ADAMTSL3: variants seen among roughly 807,000 people sequenced by gnomAD.
ADAMTSL3 encodes the protein ADAMTS like 3.
In ADAMTSL3, 128 loss-of-function variants were observed where a neutral mutation model predicts 201.7. The observed-to-expected ratio is 0.63, with a 90% CI of 0.55 to 0.73. The LOEUF (loss-of-function observed/expected upper bound fraction) is 0.73. ADAMTSL3 is among the 30% of genes least tolerant of loss of function. The pLI, the probability that ADAMTSL3 is intolerant of heterozygous loss-of-function variation, is 0.00. For missense variants in ADAMTSL3, 1,990 were observed against 2,119.6 expected (o/e 0.94, Z 1.20); for synonymous variants, 738 against 748.4 (o/e 0.99, Z 0.23).
intron 17 of ADAMTSL3, among the ~76,000 whole-genome samples, chr15:83,937,625 A>G (rs544712474): frequency 4.6e-5 from 7 of 151,134 alleles, no homozygotes; most frequent in African/African-American, 1.7e-4. Flanking sequence ...CAATTTACCT[A>G]TATAACAAAT....
intron 23 of ADAMTSL3, among the ~76,000 whole-genome samples, chr15:84,012,927 C>T (rs1032397201): frequency 6.6e-6 from 1 of 152,162 alleles, no homozygotes; most frequent in African/African-American, 2.4e-5. Context: ...AGGGCTTTGC[C>T]CAAGGCTACA....
intron 2 of ADAMTSL3, among the ~76,000 whole-genome samples, chr15:83,659,062 T>C (rs1219459487): frequency 6.6e-6 from 1 of 152,230 alleles, no homozygotes; most frequent in Non-Finnish European, 1.5e-5. Flanking sequence ...CTCCACCGTG[T>C]TTGCCCCTCG....
Position 84,027,594 on chromosome 15 carries a change from C to T in ADAMTSL3, c.4656+2158C>T, listed in dbSNP as rs766683142. Among the ~76,000 whole-genome samples the T allele has an allele frequency of 1.3e-3, 204 of 152,082 alleles. 2 individuals carry two copies. Among genetic ancestry groups the T allele is most frequent in the Non-Finnish European group, 2.2e-3 (152 of 67,996 alleles). On this transcript the variant is annotated intron_variant, in intron 27 of 29. Coordinates refer to ENST00000286744, the MANE Select transcript of ADAMTSL3 (RefSeq NM_207517.3). ...GCGTGGTGGCGGGTGCCTGTAGTCC[C>T]GGCTACTTGGGAGGCTGAGGCAGGA... is the stretch of plus-strand genomic sequence containing the variant.
intron 4 of ADAMTSL3, among the ~76,000 whole-genome samples, chr15:83,800,795 G>C (rs1471602512): frequency 6.6e-6 from 1 of 152,112 alleles, no homozygotes; most frequent in African/African-American, 2.4e-5. Flanking sequence ...AAGCTTTTTG[G>C]TTATCACTTC....
chr15:83,910,462 G>T (rs190506997), intron 15 of ADAMTSL3, among the ~76,000 whole-genome samples: 2 of 142,306 alleles, frequency 1.4e-5, no homozygotes, highest in African/African-American at 2.6e-5. Context: ...GTTGCCGTGG[G>T]TTTTTTTTTT....
At chr15:83,840,557 T>C (rs2064353027) in intron 7 of ADAMTSL3, among the ~76,000 whole-genome samples, 1 of 152,164 alleles carries the variant, frequency 6.6e-6, no homozygotes. Context: ...TTTATTTGAC[T>C]CTTCATTAGG....
At chr15:83,826,820 T>C (rs1020481755) in intron 6 of ADAMTSL3, among the ~76,000 whole-genome samples, 7 of 152,036 alleles carry the variant, frequency 4.6e-5, no homozygotes, top group Non-Finnish European at 8.8e-5. Flanking sequence ...TTCATCCATG[T>C]CCCTACAAAG....
chr15:84,032,088 G>A (rs564315972), intron 28 of ADAMTSL3, among the ~76,000 whole-genome samples: 1 of 152,224 alleles, frequency 6.6e-6, no homozygotes, highest in East Asian at 1.9e-4. Flanking sequence ...ACTAATCGGG[G>A]GCTTGGGAGT....
intron 4 of ADAMTSL3, among the ~76,000 whole-genome samples, chr15:83,774,719 C>CAGAT (rs2063042434): frequency 6.6e-6 from 1 of 152,170 alleles, no homozygotes; most frequent in South Asian, 2.1e-4. Context: ...CCTTGGTGAG[C>CAGAT]AGATATAGGC....
intron 7 of ADAMTSL3, among the ~76,000 whole-genome samples, chr15:83,843,318 G>A (rs1323503820): frequency 6.6e-6 from 1 of 152,090 alleles, no homozygotes; most frequent in African/African-American, 2.4e-5. Flanking sequence ...CAGGGCATGA[G>A]TGACATGGTA....
At chr15:83,891,635 C>G (rs146624508) in intron 12 of ADAMTSL3, among the ~76,000 whole-genome samples, 7 of 152,138 alleles carry the variant, frequency 4.6e-5, no homozygotes, top group Non-Finnish European at 1.0e-4. Context: ...AGCAGGAGCT[C>G]AAGTGTTGCA....
intron 9 of ADAMTSL3, among the ~76,000 whole-genome samples, chr15:83,876,638 T>TG: frequency 6.6e-6 from 1 of 152,284 alleles, no homozygotes; most frequent in African/African-American, 2.4e-5. Context: ...TTGTTTTGTT[T>TG]TGTTTTGTTT....
chr15:83,812,581 G>C (rs183822698), intron 5 of ADAMTSL3, among the ~76,000 whole-genome samples: 1 of 152,300 alleles, frequency 6.6e-6, no homozygotes, highest in African/African-American at 2.4e-5. Flanking sequence ...GTCTCTATCA[G>C]AGTAGTCTGC....
intron 20 of ADAMTSL3, among the ~76,000 whole-genome samples, chr15:83,977,404 C>T (rs2067306254): frequency 6.6e-6 from 1 of 152,116 alleles, no homozygotes; most frequent in Non-Finnish European, 1.5e-5. Flanking sequence ...ATAATTAGGT[C>T]TGAAGTTCCA....
At chr15:83,862,921 GA>G (rs2064896804) in intron 8 of ADAMTSL3, 1 of 152,150 alleles carries the variant, frequency 6.6e-6, no homozygotes, top group African/African-American at 2.4e-5. Flanking sequence ...AGGGATGGAG[GA>G]AGACCTACCA....
At chr15:83,775,208 G>A (rs1175841078) in intron 4 of ADAMTSL3, among the ~76,000 whole-genome samples, 1 of 152,148 alleles carries the variant, frequency 6.6e-6, no homozygotes, top group Non-Finnish European at 1.5e-5. Flanking sequence ...TGGGGGAGAA[G>A]TTTCCAGCCT....
chr15:83,724,932 A>AT (rs547431217), intron 3 of ADAMTSL3, among the ~76,000 whole-genome samples: 8 of 148,842 alleles, frequency 5.4e-5, no homozygotes, highest in African/African-American at 7.4e-5. Flanking sequence ...TATGCATCAC[A>AT]TTTTTTTTTT....
chr15:83,748,450 C>T (rs1294466884), intron 3 of ADAMTSL3, among the ~76,000 whole-genome samples: 2 of 151,970 alleles, frequency 1.3e-5, no homozygotes, highest in Non-Finnish European at 2.9e-5. Context: ...GAGTTTGAGA[C>T]TAGCCTGGGC....
intron 23 of ADAMTSL3, among the ~76,000 whole-genome samples, chr15:84,008,318 C>T (rs8028613): frequency 0.013 from 1,991 of 152,310 alleles, 55 homozygotes; most frequent in African/African-American, 0.046. Flanking sequence ...TGGCCTCGAA[C>T]TCCTGACCGC....
Sources: allele counts gnomAD v4.1 joint callset (sites outside exome capture counted in the v4.1 genomes callset), GRCh38; gene constraint gnomAD v4.1.1; transcripts MANE v1.5; gene names NCBI Gene and HGNC (gene_info 2026-07-23, HGNC 2026-07-21).